Variants in DYNC1I1 observed in about 807,000 individuals in gnomAD.
DYNC1I1 encodes cytoplasmic dynein 1 intermediate chain 1.
DYNC1I1 carries 43 observed loss-of-function variants against 86.6 expected under a neutral mutation model. The ratio of observed to expected loss-of-function variants is 0.50; its 90% CI spans 0.39 to 0.64. The LOEUF is 0.64. DYNC1I1 is among the 30% of genes least tolerant of loss of function. DYNC1I1 has a pLI of 0.00. For synonymous variants in DYNC1I1, 262 were observed against 283.7 expected, an observed-to-expected ratio of 0.92 and a Z score of 0.77; for missense variants, 604 against 788.8, an observed-to-expected ratio of 0.77 and a Z score of 2.81.
At chr7:96,002,849 G>A (rs1291113835) in intron 10 of DYNC1I1, among the ~76,000 whole-genome samples, 1 of 142,410 alleles carries the variant, frequency 7.0e-6, no homozygotes, top group Non-Finnish European at 1.5e-5. Context: ...TGTTTTTTTT[G>A]TTTGTTTGTT....
At chr7:95,944,158 G>A (rs1350086036) in intron 6 of DYNC1I1, among the ~76,000 whole-genome samples, 1 of 151,650 alleles carries the variant, frequency 6.6e-6, no homozygotes, top group Admixed American at 6.6e-5. Context: ...CATCTACAAT[G>A]AACTCAAACA....
chr7:95,922,933 T>A (rs1474868168), intron 6 of DYNC1I1, among the ~76,000 whole-genome samples: 3 of 152,110 alleles, frequency 2.0e-5, no homozygotes, highest in Non-Finnish European at 4.4e-5. Context: ...TTAGTTCTCA[T>A]CAAACTTCTC....
intron 16 of DYNC1I1, among the ~76,000 whole-genome samples, chr7:96,081,405 C>T (rs1239938809): frequency 2.6e-5 from 4 of 151,062 alleles, no homozygotes; most frequent in African/African-American, 4.9e-5. Context: ...TTTAATGTTA[C>T]ATTATCTATC....
intron 6 of DYNC1I1, among the ~76,000 whole-genome samples, chr7:95,902,901 A>T (rs1467066511): frequency 6.6e-6 from 1 of 152,078 alleles, no homozygotes; most frequent in Non-Finnish European, 1.5e-5. Flanking sequence ...TGAAAACTTT[A>T]CCCCCATCTT....
chr7:95,797,079 T>C lies in DYNC1I1; in HGVS notation c.-9-7642T>C, dbSNP rs1264406450. ...TTCATAAAGCAGAAAAAAAATTAGT[T>C]ACATTAAATGTCTACTCTTGGGTAT... is the stretch of plus-strand genomic sequence containing the variant. On this transcript the variant is annotated intron_variant, in intron 1 of 16. Transcript: ENST00000447467. 5.3e-5 allele frequency among the ~76,000 whole-genome samples: 8 copies of C among 152,286 alleles called. 1 individual carries two copies. Among genetic ancestry groups the C allele is most frequent in the African/African-American group, 1.9e-4 (8 of 41,572 alleles).
chr7:95,875,574 C>T (rs1053822227), intron 6 of DYNC1I1, among the ~76,000 whole-genome samples: 4 of 152,202 alleles, frequency 2.6e-5, no homozygotes, highest in African/African-American at 9.7e-5. Flanking sequence ...ATCTGCATCT[C>T]TCTCTGAGAT....
intron 10 of DYNC1I1, among the ~76,000 whole-genome samples, chr7:96,000,243 T>G (rs140843900): frequency 2.0e-5 from 3 of 152,304 alleles, no homozygotes; most frequent in African/African-American, 7.2e-5. Flanking sequence ...AGGTGCTTTA[T>G]AATTGCCAAA....
At chr7:95,974,255 G>A (rs1469165305) in intron 6 of DYNC1I1, among the ~76,000 whole-genome samples, 1 of 152,104 alleles carries the variant, frequency 6.6e-6, no homozygotes, top group African/African-American at 2.4e-5. Flanking sequence ...TGGAATGGAA[G>A]CTCCATGAGC....
At chr7:95,830,591 CCA>C (rs1438180801) in intron 5 of DYNC1I1, among the ~76,000 whole-genome samples, 1 of 152,052 alleles carries the variant, frequency 6.6e-6, no homozygotes, top group Non-Finnish European at 1.5e-5. Context: ...GTTTGTTTAT[CCA>C]GTCACTTTTT....
chr7:96,047,015 C>A (rs1468597539), intron 14 of DYNC1I1, among the ~76,000 whole-genome samples: 1 of 152,146 alleles, frequency 6.6e-6, no homozygotes, highest in Non-Finnish European at 1.5e-5. Flanking sequence ...CTTTATTGCT[C>A]ACAGTTCTGG....
At chr7:95,945,444 G>A (rs768343255) in intron 6 of DYNC1I1, among the ~76,000 whole-genome samples, 4 of 151,924 alleles carry the variant, frequency 2.6e-5, no homozygotes, top group African/African-American at 4.8e-5. Context: ...TATATTTGTC[G>A]TGATTCTTAA....
intron 7 of DYNC1I1, among the ~76,000 whole-genome samples, chr7:95,978,996 A>G (rs568237246): frequency 1.3e-5 from 2 of 152,246 alleles, no homozygotes; most frequent in East Asian, 1.9e-4. Flanking sequence ...GGGTTTCACC[A>G]TACTGGCCAG....
In DYNC1I1 at chr7:95,925,902, A is replaced by C. The variant is rs1791732449; in HGVS notation, c.491-51610A>C. Among the ~76,000 whole-genome samples the C allele has an allele frequency of 3.3e-5, 5 of 152,286 alleles. No homozygotes were observed. The South Asian group carries it at 1.0e-3, about 32-fold the overall frequency. On this transcript the variant is annotated intron_variant, in intron 6 of 16. Transcript: ENST00000447467. ...TTTAAATATCTGTAGCCTCAAACTC[A>C]TAAAAGGAGAGTACAAACTTCTAAT... is the stretch of plus-strand genomic sequence containing the variant.
intron 4 of DYNC1I1, among the ~76,000 whole-genome samples, chr7:95,822,718 G>T (rs1795103721): frequency 6.6e-6 from 1 of 152,090 alleles, no homozygotes; most frequent in Non-Finnish European, 1.5e-5. Flanking sequence ...GTTAGCCTAA[G>T]AAATCAATTG....
intron 16 of DYNC1I1, among the ~76,000 whole-genome samples, chr7:96,103,930 A>G (rs1280497561): frequency 1.3e-5 from 2 of 151,634 alleles, no homozygotes; most frequent in African/African-American, 4.9e-5. Context: ...GATTTTAATG[A>G]CTCCACAACT....
chr7:95,889,279 C>T (rs1467570095), intron 6 of DYNC1I1, among the ~76,000 whole-genome samples: 3 of 152,160 alleles, frequency 2.0e-5, no homozygotes, highest in African/African-American at 7.2e-5. Context: ...TGATTACTCA[C>T]GTTTTTAAAA....
chr7:95,916,743 G>T (rs1311961619), intron 6 of DYNC1I1, among the ~76,000 whole-genome samples: 2 of 151,936 alleles, frequency 1.3e-5, no homozygotes, highest in Non-Finnish European at 2.9e-5. Flanking sequence ...CTTGGATTCC[G>T]CACGCTGCAC....
chr7:95,869,972 C>T lies in DYNC1I1; in HGVS notation c.464C>T (p.Thr155Ile). The change falls in exon 6 of 17, where the codon ACT (threonine) becomes ATT (isoleucine). Residue 155 changes from threonine to isoleucine, a missense_variant. Coordinates refer to ENST00000447467, the MANE Select transcript of DYNC1I1 (RefSeq NM_001135556.2). The stretch of plus-strand genomic sequence containing the variant: ...GTGTCCTACTCAAAGGAGACCCAGA[C>T]TCCTCTTGCCACGCATCAGTCTGAA... ...EVVSYSKETQ[T>I]PLATHQSEED... 1 of 1,613,874 alleles carries T rather than the reference C, an allele frequency of 6.2e-7. No individual in the cohort carries two copies. Among genetic ancestry groups the T allele is most frequent in the Non-Finnish European group, 8.5e-7 (1 of 1,179,902 alleles).
At chr7:96,072,045 A>T (rs1238834870) in intron 14 of DYNC1I1, among the ~76,000 whole-genome samples, 1 of 152,204 alleles carries the variant, frequency 6.6e-6, no homozygotes. Flanking sequence ...ACTTTCCTGA[A>T]CTGTAATTTT....
Sources: gnomAD v4.1 joint callset for allele counts (sites outside exome capture counted in the v4.1 genomes callset) on GRCh38, gnomAD v4.1.1 for gene constraint, MANE v1.5 for transcripts, NCBI Gene and HGNC (gene_info 2026-07-23, HGNC 2026-07-21) for gene names.